Variants in NCKAP5 observed in about 807,000 individuals in gnomAD.
NCKAP5 encodes nck-associated protein 5.
In NCKAP5, 92 loss-of-function variants were observed where a neutral mutation model predicts 167.0. The ratio of observed to expected loss-of-function variants is 0.55; its 90% CI spans 0.47 to 0.66. The LOEUF is 0.66. Among genes scored for constraint, NCKAP5 ranks in the 30% least tolerant of loss-of-function variants. NCKAP5 has a pLI of 0.00. For synonymous variants in NCKAP5, 891 were observed against 877.4 expected (o/e 1.02, Z -0.27); for missense variants, 2,378 against 2,315.0 (o/e 1.03, Z -0.56).
chr2:133,455,076 T>C (rs1691763371), intron 3 of NCKAP5, among the ~76,000 whole-genome samples: 1 of 152,150 alleles, frequency 6.6e-6, no homozygotes, highest in African/African-American at 2.4e-5. Flanking sequence ...CACGATTTTC[T>C]ACCTTTTGTA....
intron 2 of NCKAP5, among the ~76,000 whole-genome samples, chr2:133,520,836 G>C (rs1684413108): frequency 6.6e-6 from 1 of 152,152 alleles, no homozygotes; most frequent in Non-Finnish European, 1.5e-5. Flanking sequence ...TGGCATAAGG[G>C]TTGGCCAATC....
intron 3 of NCKAP5, among the ~76,000 whole-genome samples, chr2:133,395,818 AT>A (rs991792804): frequency 1.3e-5 from 2 of 151,582 alleles, no homozygotes; most frequent in Admixed American, 1.3e-4. Flanking sequence ...TATTTTTTAA[AT>A]TTTTTTTGTA....
intron 3 of NCKAP5, among the ~76,000 whole-genome samples, chr2:133,516,445 G>C (rs141471741): frequency 2.0e-5 from 3 of 152,286 alleles, no homozygotes; most frequent in Non-Finnish European, 4.4e-5. Context: ...CACAGACATT[G>C]ATTCTGACTA....
intron 7 of NCKAP5, among the ~76,000 whole-genome samples, chr2:132,967,485 A>C (rs1036296855): frequency 5.3e-5 from 8 of 152,180 alleles, no homozygotes; most frequent in African/African-American, 1.9e-4. Flanking sequence ...AAAGGCTCCT[A>C]GTCAAGAGTA....
At chr2:132,948,774 C>A (rs1224061751) in intron 8 of NCKAP5, among the ~76,000 whole-genome samples, 4 of 152,128 alleles carry the variant, frequency 2.6e-5, no homozygotes, top group African/African-American at 9.7e-5. Flanking sequence ...CAGCGCTCCA[C>A]CCCTTCTCTT....
At chr2:133,212,667 C>T (rs1048447985) in intron 5 of NCKAP5, among the ~76,000 whole-genome samples, 7 of 152,172 alleles carry the variant, frequency 4.6e-5, no homozygotes, top group African/African-American at 1.4e-4. Context: ...CACACCCAGC[C>T]GTGAATGTTT....
chr2:133,574,603 CTT>C, the NCKAP5 span, among the ~76,000 whole-genome samples: 183 of 127,182 alleles, frequency 1.4e-3, 1 homozygote, highest in African/African-American at 2.7e-3. Flanking sequence ...TTCTTCTTTC[CTT>C]TTTTTTTTTT....
At chr2:133,014,830 T>G (rs1201777701) in intron 6 of NCKAP5, among the ~76,000 whole-genome samples, 1 of 152,164 alleles carries the variant, frequency 6.6e-6, no homozygotes, top group Non-Finnish European at 1.5e-5. Flanking sequence ...ATGTATAATG[T>G]TTTCCATTGA....
intron 3 of NCKAP5, among the ~76,000 whole-genome samples, chr2:133,365,810 T>C (rs1685422228): frequency 1.3e-5 from 2 of 152,218 alleles, no homozygotes; most frequent in South Asian, 4.1e-4. Flanking sequence ...CATTTTTTCT[T>C]GTTTAGAGAT....
At chr2:133,352,280 C>A (rs1423744992) in intron 3 of NCKAP5, among the ~76,000 whole-genome samples, 2 of 152,238 alleles carry the variant, frequency 1.3e-5, no homozygotes, top group Admixed American at 6.5e-5. Context: ...AGAATGGAAG[C>A]CCCATGAGGG....
chr2:132,945,112 C>T (rs1697601820), intron 8 of NCKAP5, among the ~76,000 whole-genome samples: 2 of 152,148 alleles, frequency 1.3e-5, no homozygotes. Context: ...TGGGGAAAGG[C>T]TGTGCTGCTG....
chr2:133,322,599 TTAAAAG>T (rs1682136532), intron 3 of NCKAP5, among the ~76,000 whole-genome samples: 1 of 152,190 alleles, frequency 6.6e-6, no homozygotes, highest in Non-Finnish European at 1.5e-5. Context: ...CACTAAATCA[TTAAAAG>T]TAAAAGTTGA....
At chr2:132,914,789 A>C (rs1694734082) in intron 8 of NCKAP5, among the ~76,000 whole-genome samples, 1 of 152,062 alleles carries the variant, frequency 6.6e-6, no homozygotes, top group African/African-American at 2.4e-5. Flanking sequence ...TGAGACGTGA[A>C]TGCTGCTCAA....
At chr2:133,540,960 A>G (rs975342387) in intron 2 of NCKAP5, among the ~76,000 whole-genome samples, 6 of 150,984 alleles carry the variant, frequency 4.0e-5, no homozygotes, top group Non-Finnish European at 7.4e-5. Flanking sequence ...AAGAAAGAAA[A>G]AAAATCACAG....
chr2:132,954,771 T>C (rs1273551791), intron 8 of NCKAP5: 1 of 432,824 alleles, frequency 2.3e-6, no homozygotes, highest in Non-Finnish European at 4.6e-6. Context: ...TTAGTGTAAT[T>C]ACAATTATTT....
intron 4 of NCKAP5, among the ~76,000 whole-genome samples, chr2:133,281,638 T>G (rs532133299): frequency 1.3e-5 from 2 of 152,336 alleles, no homozygotes; most frequent in South Asian, 4.1e-4. Context: ...AAGAACTATA[T>G]TCTAGGAACT....
At chr2:132,848,715 C>T (rs1244654150) in intron 11 of NCKAP5, among the ~76,000 whole-genome samples, 1 of 152,144 alleles carries the variant, frequency 6.6e-6, no homozygotes, top group East Asian at 1.9e-4. Flanking sequence ...CCCAGCTACT[C>T]AGGAAGCTGA....
chr2:133,007,300 T>G (rs2149350576), intron 6 of NCKAP5, among the ~76,000 whole-genome samples: 1 of 152,224 alleles, frequency 6.6e-6, no homozygotes, highest in South Asian at 2.1e-4. Flanking sequence ...TTTATTATGG[T>G]TTTAAAGATC....
At chr2:133,456,338 A>G (rs913807861) in intron 3 of NCKAP5, among the ~76,000 whole-genome samples, 1 of 152,114 alleles carries the variant, frequency 6.6e-6, no homozygotes, top group Admixed American at 6.6e-5. Context: ...AAAATTCTCT[A>G]AAGGTGCCTG....
Sources: gnomAD v4.1 joint callset for allele counts (sites outside exome capture counted in the v4.1 genomes callset) on GRCh38, gnomAD v4.1.1 for gene constraint, MANE v1.5 for transcripts, NCBI Gene and HGNC (gene_info 2026-07-23, HGNC 2026-07-21) for gene names.